Variants in GRM5 observed in about 807,000 individuals in gnomAD.
GRM5 encodes the protein metabotropic glutamate receptor 5.
In GRM5, 19 loss-of-function variants were observed where a neutral mutation model predicts 83.1. That is an observed-to-expected ratio of 0.23 (90% CI 0.16 to 0.34). GRM5 has a LOEUF of 0.34. GRM5 is among the 10% of genes least tolerant of loss of function. GRM5 has a pLI of 1.00. For missense variants in GRM5, 1,160 were observed against 1,588.3 expected, an observed-to-expected ratio of 0.73 and a Z score of 4.58; for synonymous variants, 675 against 633.6, an observed-to-expected ratio of 1.07 and a Z score of -0.98.
At chr11:88,519,735 G>A (rs920880295) in intron 9 of GRM5, among the ~76,000 whole-genome samples, 4 of 152,188 alleles carry the variant, frequency 2.6e-5, no homozygotes, top group Non-Finnish European at 5.9e-5. Flanking sequence ...CAACCATGGT[G>A]GCAGGGTAGA....
At chr11:88,718,859 T>C (rs1941461519) in intron 3 of GRM5, among the ~76,000 whole-genome samples, 1 of 151,962 alleles carries the variant, frequency 6.6e-6, no homozygotes, top group African/African-American at 2.4e-5. Flanking sequence ...TGGAATCCTT[T>C]CTCAAAGAAG....
intron 1 of GRM5, among the ~76,000 whole-genome samples, chr11:89,054,112 C>A (rs1233635309): frequency 3.3e-5 from 5 of 152,080 alleles, no homozygotes; most frequent in Non-Finnish European, 5.9e-5. Flanking sequence ...AGAATAAGGG[C>A]ACGAAGGCAG....
intron 3 of GRM5, among the ~76,000 whole-genome samples, chr11:88,737,109 G>C (rs542001480): frequency 2.8e-4 from 43 of 152,066 alleles, no homozygotes; most frequent in Non-Finnish European, 5.1e-4. Flanking sequence ...TTGAGACCTA[G>C]GTGTACCTGC....
intron 2 of GRM5, among the ~76,000 whole-genome samples, chr11:88,903,134 G>T (rs1945343730): frequency 6.6e-6 from 1 of 152,076 alleles, no homozygotes; most frequent in Non-Finnish European, 1.5e-5. Context: ...TAATTCTGTG[G>T]GTTGGGGCAG....
intron 6 of GRM5, among the ~76,000 whole-genome samples, chr11:88,591,885 A>G (rs1937647736): frequency 6.6e-6 from 1 of 152,236 alleles, no homozygotes; most frequent in South Asian, 2.1e-4. Flanking sequence ...CAGGCTCTTT[A>G]GTACTTGTCA....
rs138387579 is a variant in GRM5 at position 88,780,452 on chromosome 11, C to T, written c.911+69454G>A. Among the ~76,000 whole-genome samples the T allele has an allele frequency of 5.3e-4, 80 of 152,204 alleles. 1 individual carries two copies. In the East Asian group the frequency reaches 0.011, roughly 22 times the overall value. ...TATAAGGCTGATCAAGCTGCCGTTACGTTTTATGATGTTGGGAGAGTACCT... is the reference window on the plus strand; with the variant it reads ...TATAAGGCTGATCAAGCTGCCGTTATGTTTTATGATGTTGGGAGAGTACCT... On this transcript the variant is annotated intron_variant, in intron 3 of 9. Coordinates refer to ENST00000305447, the MANE Select transcript of GRM5 (RefSeq NM_001143831.3).
At position 88,549,816 on chromosome 11, in the gene GRM5, G is replaced by C. The variant is rs147104279; in HGVS notation, c.2630+17237C>G. Among the ~76,000 whole-genome samples the C allele has an allele frequency of 5.3e-3, 802 of 152,134 alleles. 10 individuals are homozygous for C. The highest frequency in any genetic ancestry group is 0.018 in the African/African-American group (768 of 41,530). On this transcript the variant is annotated intron_variant, in intron 8 of 9. Coordinates refer to ENST00000305447, the MANE Select transcript of GRM5 (RefSeq NM_001143831.3). The stretch of plus-strand genomic sequence containing the variant: ...TTTATATTCTAAGGCATGTATACCC[G>C]CTGAACTCAATTTGAGTATTGAATA...
At chr11:88,689,639 C>CA (rs533687683) in intron 3 of GRM5, among the ~76,000 whole-genome samples, 75 of 152,308 alleles carry the variant, frequency 4.9e-4, no homozygotes, top group African/African-American at 1.7e-3. Flanking sequence ...TTTTCCCTTT[C>CA]ATCCGGATTC....
chr11:88,886,687 G>A (rs558878343), intron 2 of GRM5, among the ~76,000 whole-genome samples: 1 of 152,106 alleles, frequency 6.6e-6, no homozygotes, highest in Non-Finnish European at 1.5e-5. Context: ...ACGGACCCCA[G>A]CCTCTGACTA....
intron 9 of GRM5, among the ~76,000 whole-genome samples, chr11:88,514,147 T>C (rs1478835561): frequency 2.6e-5 from 4 of 152,146 alleles, no homozygotes; most frequent in Non-Finnish European, 5.9e-5. Flanking sequence ...AACGTCTTGC[T>C]CTCTTCCAGG....
intron 1 of GRM5, among the ~76,000 whole-genome samples, chr11:89,064,886 CTCTGTGTGTGTGTGTG>C (rs1942065207): frequency 1.4e-5 from 1 of 72,696 alleles, no homozygotes; most frequent in African/African-American, 5.4e-5. Context: ...CTCTCTCTCT[CTCTGTGTGTGTGTGTG>C]TGTGTGTGTG....
intron 3 of GRM5, among the ~76,000 whole-genome samples, chr11:88,790,242 C>G (rs773332654): frequency 6.6e-6 from 1 of 152,154 alleles, no homozygotes; most frequent in East Asian, 1.9e-4. Flanking sequence ...TCTATCTACC[C>G]ATTAATTCAT....
At chr11:89,032,327 C>A (rs868328156) in intron 2 of GRM5, among the ~76,000 whole-genome samples, 1 of 151,926 alleles carries the variant, frequency 6.6e-6, no homozygotes, top group Admixed American at 6.6e-5. Context: ...CTAAAAAAAG[C>A]ATATAATATA....
chr11:88,508,667 G>A lies in GRM5; in HGVS notation c.3564C>T (p.Ala1188=). 1.2e-6 allele frequency: 2 copies of A among 1,609,380 alleles called. No homozygotes were observed. The highest frequency in any genetic ancestry group is 1.3e-5 in the African/African-American group (1 of 74,290). The change falls in exon 10 of 10, where the codon GCC becomes GCT. Residue 1188 remains alanine, a synonymous_variant. Transcript: ENST00000305447. The surrounding 1 kb of genome is among the most constrained non-coding windows in gnomAD (Gnocchi z 4.2). ...TTPNSPVSES[A]LCIPSSPKYD... The stretch of plus-strand genomic sequence containing the variant: ...ATTTGGGAGACGACGGGATACAGAG[G>A]GCCGACTCGGACACTGGCGAGTTGG...
At chr11:88,883,755 C>A (rs948301443) in intron 2 of GRM5, among the ~76,000 whole-genome samples, 3 of 152,060 alleles carry the variant, frequency 2.0e-5, no homozygotes, top group African/African-American at 7.2e-5. Context: ...ACCCCAGGGC[C>A]CACTTGCTGT....
At chr11:88,999,157 T>C (rs1233702052) in intron 2 of GRM5, among the ~76,000 whole-genome samples, 1 of 151,968 alleles carries the variant, frequency 6.6e-6, no homozygotes, top group East Asian at 1.9e-4. Context: ...CTAGGCAATA[T>C]CATTCAGGAC....
chr11:89,030,476 A>G (rs1167315457), intron 2 of GRM5, among the ~76,000 whole-genome samples: 14 of 152,096 alleles, frequency 9.2e-5, no homozygotes. Flanking sequence ...TTTGATAAAT[A>G]CGTTCTTTTA....
At chr11:88,840,290 C>T (rs2135529716) in intron 3 of GRM5, among the ~76,000 whole-genome samples, 1 of 152,288 alleles carries the variant, frequency 6.6e-6, no homozygotes, top group South Asian at 2.1e-4. Context: ...CTGAAACCCT[C>T]CTGCCAGATT....
intron 2 of GRM5, among the ~76,000 whole-genome samples, chr11:88,889,129 CTAAGT>C (rs1368579164): frequency 1.3e-5 from 2 of 152,084 alleles, no homozygotes; most frequent in African/African-American, 4.8e-5. Flanking sequence ...ATCTTGAGGG[CTAAGT>C]TAAGAGATGG....
Sources: allele counts gnomAD v4.1 joint callset (sites outside exome capture counted in the v4.1 genomes callset), GRCh38; gene constraint gnomAD v4.1.1; non-coding constraint Gnocchi (gnomAD v3.1); transcripts MANE v1.5; gene names NCBI Gene and HGNC (gene_info 2026-07-23, HGNC 2026-07-21).